The following TFDP1 variants were observed in gnomAD, a reference collection of about 807,000 sequenced individuals.
TFDP1 encodes the protein DRTF1-polypeptide 1.
Under a neutral mutation model 48.0 loss-of-function variants are expected in TFDP1, and 6 were observed. That is an observed-to-expected ratio of 0.13 (90% confidence interval 0.07 to 0.25). The LOEUF (loss-of-function observed/expected upper bound fraction) is 0.25. TFDP1 is among the 10% of genes least tolerant of loss of function. TFDP1 has a pLI of 1.00. For missense variants in TFDP1, 335 were observed against 543.0 expected, an observed-to-expected ratio of 0.62 and a Z score of 3.81; for synonymous variants, 201 against 211.6, an observed-to-expected ratio of 0.95 and a Z score of 0.44.
At position 113,598,091 on chromosome 13, in the gene TFDP1, A is replaced by C. The variant is rs561252494; in HGVS notation, c.12+12242A>C. Among the ~76,000 whole-genome samples, 14 of 152,292 alleles carry C rather than the reference A, an allele frequency of 9.2e-5. No homozygotes were observed. Among genetic ancestry groups the C allele is most frequent in the Non-Finnish European group, 2.1e-4 (14 of 68,010 alleles). ...TCAGGTGAGTTGTCATCAAGAGTGC[A>C]GAATCCAACTGTGTTGGGAGCCACT... On this transcript the variant is annotated intron_variant, in intron 2 of 11. Coordinates refer to ENST00000375370, the MANE Select transcript of TFDP1 (RefSeq NM_007111.5). This position sits in a 1 kb window ranked among gnomAD's most constrained non-coding sequence, Gnocchi z 4.2.
At chr13:113,604,784 A>G (rs994162688) in intron 2 of TFDP1, among the ~76,000 whole-genome samples, 1 of 152,156 alleles carries the variant, frequency 6.6e-6, no homozygotes, top group African/African-American at 2.4e-5. Flanking sequence ...CGGTCACCCC[A>G]CATACAGGGT....
intron 2 of TFDP1, among the ~76,000 whole-genome samples, chr13:113,595,182 G>C (rs1023738818): frequency 6.6e-6 from 1 of 152,130 alleles, no homozygotes; most frequent in African/African-American, 2.4e-5. Flanking sequence ...AAAAAAAGAC[G>C]CTGTACCTAA....
At chr13:113,588,815 GTGA>G (rs2048068948) in intron 2 of TFDP1, among the ~76,000 whole-genome samples, 1 of 151,844 alleles carries the variant, frequency 6.6e-6, no homozygotes, top group Non-Finnish European at 1.5e-5. Flanking sequence ...ACAGTGAGTG[GTGA>G]TGGTAGATTG....
At chr13:113,615,204 T>A (rs2048826797) in intron 3 of TFDP1, among the ~76,000 whole-genome samples, 1 of 152,220 alleles carries the variant, frequency 6.6e-6, no homozygotes, top group South Asian at 2.1e-4. Flanking sequence ...TCTGATTGTT[T>A]CCTGAGAGCA....
At chr13:113,618,041 A>C (rs1209149670) in intron 3 of TFDP1, among the ~76,000 whole-genome samples, 1 of 152,210 alleles carries the variant, frequency 6.6e-6, no homozygotes. Context: ...CATTTGAAAA[A>C]CGCTGTGTAG....
In TFDP1 at chr13:113,631,854, G is replaced by A. The variant is rs571945810; in HGVS notation, c.308+110G>A. The stretch of plus-strand genomic sequence containing the variant: ...CAGTCGTGCGATGGGGCTCCCACGC[G>A]CGTTGACGCCAGCCTCCGAATCACA... On this transcript the variant is annotated intron_variant, in intron 5 of 11. Transcript: ENST00000375370. 195 of 1,415,114 alleles carry A rather than the reference G, an allele frequency of 1.4e-4. 7 individuals are homozygous for A. In the South Asian group the frequency reaches 2.2e-3, roughly 16 times the overall value. 87.7% of individuals were successfully genotyped at this position (1,415,114 alleles called of 1,614,324 possible).
Position 113,627,455 on chromosome 13 carries a change from G to T in TFDP1, c.187-4168G>T, listed in dbSNP as rs1481474067. Reference sequence around the variant, plus strand: ...TGGTCGCAGTGGCCTTTCCTTTGCAGCTGCGCCACTGGCCCTGTCTCTCTG... The same window carrying T: ...TGGTCGCAGTGGCCTTTCCTTTGCATCTGCGCCACTGGCCCTGTCTCTCTG... On this transcript the variant is annotated intron_variant, in intron 4 of 11. Coordinates refer to ENST00000375370, the MANE Select transcript of TFDP1 (RefSeq NM_007111.5). The surrounding 1 kb of genome is among the most constrained non-coding windows in gnomAD (Gnocchi z 4.1). Among the ~76,000 whole-genome samples the T allele has an allele frequency of 2.6e-5, 4 of 152,152 alleles. No homozygotes were observed. The highest frequency in any genetic ancestry group is 9.7e-5 in the African/African-American group (4 of 41,428).
At chr13:113,585,227 CG>C (rs2047969777) in intron 1 of TFDP1, 1 of 149,260 alleles carries the variant, frequency 6.7e-6, no homozygotes, top group Non-Finnish European at 1.5e-5. Flanking sequence ...GGCCGCCCCA[CG>C]GCGGCCCGCG....
chr13:113,585,442 A>AC, intron 1 of TFDP1: 1 of 163,520 alleles, frequency 6.1e-6, no homozygotes. Flanking sequence ...GTGGTGGGGC[A>AC]CCCCCCTGCA....
At chr13:113,606,211 A>G (rs2048567837) in intron 2 of TFDP1, among the ~76,000 whole-genome samples, 1 of 151,604 alleles carries the variant, frequency 6.6e-6, no homozygotes, top group South Asian at 2.1e-4. Flanking sequence ...GAGTGTCCGC[A>G]GGGGAGCCTG....
intron 2 of TFDP1, among the ~76,000 whole-genome samples, chr13:113,595,258 G>T (rs1486522367): frequency 1.3e-5 from 2 of 152,288 alleles, no homozygotes; most frequent in East Asian, 1.9e-4. Context: ...TGGACTGAAC[G>T]CCCCTTCTTG....
In TFDP1 at chr13:113,613,364, T is replaced by C. The variant is rs1015013705; in HGVS notation, c.79+2302T>C. 2.6e-5 allele frequency among the ~76,000 whole-genome samples: 4 copies of C among 152,250 alleles called. No homozygotes were observed. The South Asian group carries it at 8.3e-4, about 31-fold the overall frequency. ...TTGAATCAGTGACACGTTCATGTTTTTAAATTTTGAAGTATGAAAAGGTGC... is the reference window on the plus strand; with the variant it reads ...TTGAATCAGTGACACGTTCATGTTTCTAAATTTTGAAGTATGAAAAGGTGC... On this transcript the variant is annotated intron_variant, in intron 3 of 11. Transcript: ENST00000375370.
At chr13:113,594,534 G>A (rs530205440) in intron 2 of TFDP1, among the ~76,000 whole-genome samples, 5 of 152,066 alleles carry the variant, frequency 3.3e-5, no homozygotes, top group African/African-American at 1.2e-4. Flanking sequence ...GGTGACAGGT[G>A]TGCTGTGTGT....
chr13:113,587,698 G>T (rs898697464), intron 2 of TFDP1, among the ~76,000 whole-genome samples: 1 of 152,156 alleles, frequency 6.6e-6, no homozygotes, highest in South Asian at 2.1e-4. Context: ...TGTTGCCCAG[G>T]CTGGGCTCGA....
chr13:113,605,289 G>A (rs1238015119), intron 2 of TFDP1, among the ~76,000 whole-genome samples: 3 of 152,116 alleles, frequency 2.0e-5, no homozygotes, highest in South Asian at 4.1e-4. Context: ...TGATCTTTCC[G>A]TGCGGAACTA....
At chr13:113,602,606 C>A (rs1299860174) in intron 2 of TFDP1, among the ~76,000 whole-genome samples, 1 of 152,242 alleles carries the variant, frequency 6.6e-6, no homozygotes, top group African/African-American at 2.4e-5. Flanking sequence ...GGGTCACTTT[C>A]TTCTCAGCTC....
In TFDP1 at chr13:113,633,674, C is replaced by T. The variant is rs968702142; in HGVS notation, c.475-216C>T. ...CACCTCACCAGCTGGGCTCGACACC[C>T]GAGAGCCCCCGGCTCTCCTTCTGGA... On this transcript the variant is annotated intron_variant, in intron 6 of 11. Coordinates refer to ENST00000375370, the MANE Select transcript of TFDP1 (RefSeq NM_007111.5). The surrounding 1 kb of genome is among the most constrained non-coding windows in gnomAD (Gnocchi z 4.5). Among the ~76,000 whole-genome samples the T allele has an allele frequency of 2.0e-5, 3 of 152,142 alleles. No individual in the cohort carries two copies. The highest frequency in any genetic ancestry group is 4.1e-4 in the South Asian group (2 of 4,834).
chr13:113,634,681 G>C lies in TFDP1; in HGVS notation c.687+79G>C, dbSNP rs535834002. ...CTTTATAACGGCAACATACTGCCTT[G>C]GGTTACACTCCTGCATGGCAAATCA... On this transcript the variant is annotated intron_variant, in intron 8 of 11. Transcript: ENST00000375370. 66 of 1,056,326 alleles carry C rather than the reference G, an allele frequency of 6.2e-5. No homozygotes were observed. In the African/African-American group the frequency reaches 9.2e-4, roughly 15 times the overall value. 65.4% of individuals were successfully genotyped at this position (1,056,326 alleles called of 1,614,324 possible).
At chr13:113,601,620 G>T (rs7327022) in intron 2 of TFDP1, among the ~76,000 whole-genome samples, 2 of 152,234 alleles carry the variant, frequency 1.3e-5, no homozygotes, top group East Asian at 1.9e-4. Flanking sequence ...GGTTGTGTTT[G>T]TTCCCAGGTG....
Sources: allele counts gnomAD v4.1 joint callset (sites outside exome capture counted in the v4.1 genomes callset), GRCh38; gene constraint gnomAD v4.1.1; non-coding constraint Gnocchi (gnomAD v3.1); transcripts MANE v1.5; gene names NCBI Gene and HGNC (gene_info 2026-07-23, HGNC 2026-07-21).